Variants in PLSCR2 observed in about 807,000 individuals in gnomAD.
PLSCR2 encodes the protein PL scramblase 2.
In PLSCR2, 18 loss-of-function variants were observed where a neutral mutation model predicts 25.3. That is an observed-to-expected ratio of 0.71 (90% CI 0.49 to 1.06). The LOEUF is 1.06. PLSCR2 is among the 50% of genes least tolerant of loss of function. PLSCR2 has a pLI of 0.00. For missense variants in PLSCR2, 243 were observed against 269.5 expected, an observed-to-expected ratio of 0.90 and a Z score of 0.69; for synonymous variants, 88 against 87.3, an observed-to-expected ratio of 1.01 and a Z score of -0.04.
intron 2 of PLSCR2, among the ~76,000 whole-genome samples, chr3:146,418,790 C>A (rs1206177317): frequency 1.3e-5 from 2 of 152,098 alleles, no homozygotes; most frequent in African/African-American, 4.8e-5. Context: ...TCTTTTATTT[C>A]TTCCTTTCCC....
chr3:146,412,269 C>G (rs1412802198), intron 2 of PLSCR2, among the ~76,000 whole-genome samples: 2 of 152,140 alleles, frequency 1.3e-5, no homozygotes, highest in Non-Finnish European at 2.9e-5. Context: ...GAGCTGCCCA[C>G]TTTGACCACT....
At chr3:146,469,045 T>C in intron 1 of PLSCR2, 1 of 787,582 alleles carries the variant, frequency 1.3e-6, no homozygotes, top group Non-Finnish European at 1.5e-6. Context: ...TTTCCTAAGC[T>C]GGTATTGTAG....
At chr3:146,427,474 A>G (rs2039396022) in intron 2 of PLSCR2, among the ~76,000 whole-genome samples, 1 of 152,118 alleles carries the variant, frequency 6.6e-6, no homozygotes, top group Non-Finnish European at 1.5e-5. Context: ...ACTTCTTAAC[A>G]TGGCTAACAA....
intron 1 of PLSCR2, among the ~76,000 whole-genome samples, chr3:146,486,759 T>C (rs2043359765): frequency 6.6e-6 from 1 of 152,120 alleles, no homozygotes; most frequent in Non-Finnish European, 1.5e-5. Flanking sequence ...CTGGTACCAT[T>C]CGTTCTGAAA....
chr3:146,445,995 T>G (rs1429707297), intron 6 of PLSCR2, among the ~76,000 whole-genome samples: 1 of 152,176 alleles, frequency 6.6e-6, no homozygotes, highest in Non-Finnish European at 1.5e-5. Flanking sequence ...GCTTGTTTCT[T>G]TTTAGCTATT....
chr3:146,469,920 G>A (rs1258009612), intron 1 of PLSCR2, among the ~76,000 whole-genome samples: 2 of 152,072 alleles, frequency 1.3e-5, no homozygotes, highest in African/African-American at 2.4e-5. Context: ...GAACTGGGAC[G>A]TCGACACCAG....
chr3:146,410,287 G>T (rs151317570), intron 2 of PLSCR2, among the ~76,000 whole-genome samples: 1 of 152,230 alleles, frequency 6.6e-6, no homozygotes, highest in African/African-American at 2.4e-5. Flanking sequence ...AGCAGTATGG[G>T]TGTAAGTTTC....
intron 3 of PLSCR2, among the ~76,000 whole-genome samples, chr3:146,392,095 G>C (rs138141497): frequency 6.6e-6 from 1 of 152,038 alleles, no homozygotes; most frequent in East Asian, 1.9e-4. Flanking sequence ...TATTACTCTA[G>C]TCTAGAGATG....
At chr3:146,441,195 C>T (rs1033819441), downstream of PLSCR2, among the ~76,000 whole-genome samples, 1 of 151,916 alleles carries the variant, frequency 6.6e-6, no homozygotes, top group African/African-American at 2.4e-5. Flanking sequence ...AAAAATACTC[C>T]AGCCTGGGTG....
intron 1 of PLSCR2, among the ~76,000 whole-genome samples, chr3:146,485,129 A>C (rs1196506724): frequency 6.7e-6 from 1 of 150,264 alleles, no homozygotes; most frequent in African/African-American, 2.4e-5. Flanking sequence ...AAAAAAAAGC[A>C]GGGGTTGAGG....
At chr3:146,495,723 T>C (rs2043723029) in intron 1 of PLSCR2, among the ~76,000 whole-genome samples, 2 of 152,214 alleles carry the variant, frequency 1.3e-5, no homozygotes, top group Admixed American at 6.5e-5. Context: ...ACCCAGTCTA[T>C]GGTATTTGTT....
upstream of PLSCR2, among the ~76,000 whole-genome samples, chr3:146,460,783 A>G (rs1273787683): frequency 6.6e-6 from 1 of 152,166 alleles, no homozygotes; most frequent in Non-Finnish European, 1.5e-5. Flanking sequence ...TAGATGTAAA[A>G]TCATGTCGTC....
intron 2 of PLSCR2, among the ~76,000 whole-genome samples, chr3:146,421,411 T>TCAC (rs2039146076): frequency 6.6e-6 from 1 of 152,212 alleles, no homozygotes; most frequent in South Asian, 2.1e-4. Context: ...GCCTGAAGAC[T>TCAC]ACTATTTCTT....
At chr3:146,393,702 G>A (rs1360670704) in intron 3 of PLSCR2, among the ~76,000 whole-genome samples, 1 of 151,500 alleles carries the variant, frequency 6.6e-6, no homozygotes, top group Admixed American at 6.6e-5. Context: ...CCAGCTACTG[G>A]GGAGGCTGAG....
At chr3:146,480,941 A>T (rs144267981) in intron 1 of PLSCR2, among the ~76,000 whole-genome samples, 2 of 152,304 alleles carry the variant, frequency 1.3e-5, no homozygotes, top group East Asian at 3.9e-4. Context: ...ATGCAAATCA[A>T]TAAACATAAT....
At chr3:146,490,984 C>G (rs1331490556) in intron 1 of PLSCR2, among the ~76,000 whole-genome samples, 2 of 152,098 alleles carry the variant, frequency 1.3e-5, no homozygotes, top group Non-Finnish European at 2.9e-5. Context: ...GAGACAGCTA[C>G]AGTTCTTTTG....
At chr3:146,468,219 T>G (rs905802155) in intron 1 of PLSCR2, among the ~76,000 whole-genome samples, 9 of 152,224 alleles carry the variant, frequency 5.9e-5, no homozygotes, top group African/African-American at 2.2e-4. Context: ...CATTTTCCTT[T>G]GTATGTGTTT....
intron 1 of PLSCR2, among the ~76,000 whole-genome samples, chr3:146,478,967 AC>A (rs1465967566): frequency 6.6e-6 from 1 of 152,218 alleles, no homozygotes; most frequent in Non-Finnish European, 1.5e-5. Context: ...AGAATTTTCA[AC>A]CCAGAATTTC....
chr3:146,413,071 A>G (rs900841575), intron 2 of PLSCR2, among the ~76,000 whole-genome samples: 3 of 152,198 alleles, frequency 2.0e-5, no homozygotes, highest in Non-Finnish European at 4.4e-5. Flanking sequence ...TTCTTTGAAG[A>G]GAAACATGGA....
Sources: gnomAD v4.1 joint callset for allele counts (sites outside exome capture counted in the v4.1 genomes callset) on GRCh38, gnomAD v4.1.1 for gene constraint, MANE v1.5 for transcripts, NCBI Gene and HGNC (gene_info 2026-07-23, HGNC 2026-07-21) for gene names.